FUT8: variants seen among roughly 807,000 people sequenced by gnomAD.
The protein encoded by FUT8 is alpha-(1,6)-fucosyltransferase.
FUT8 carries 29 observed loss-of-function variants against 71.3 expected under a neutral mutation model. That is an observed-to-expected ratio of 0.41 (90% confidence interval 0.30 to 0.55). The LOEUF (loss-of-function observed/expected upper bound fraction) is 0.55. FUT8 is among the 20% of genes least tolerant of loss of function. The pLI, the probability that FUT8 is intolerant of heterozygous loss-of-function variation, is 0.34. For missense variants in FUT8, 544 were observed against 702.1 expected (o/e 0.77, Z 2.55); for synonymous variants, 254 against 239.3 (o/e 1.06, Z -0.57).
the FUT8 span, among the ~76,000 whole-genome samples, chr14:65,400,939 C>T: frequency 4.6e-5 from 7 of 152,248 alleles, no homozygotes; most frequent in East Asian, 1.9e-4. Context: ...ATTATCATAC[C>T]GCTTTCACCT....
chr14:65,373,660 G>A, the FUT8 span, among the ~76,000 whole-genome samples: 3 of 152,148 alleles, frequency 2.0e-5, no homozygotes, highest in African/African-American at 7.2e-5. Flanking sequence ...CACCCCTGTT[G>A]CACGTACCAC....
At chr14:65,679,160 C>CAAGTGTAGGAGTT (rs1177371747) in intron 7 of FUT8, among the ~76,000 whole-genome samples, 6 of 152,184 alleles carry the variant, frequency 3.9e-5, no homozygotes, top group African/African-American at 1.4e-4. Flanking sequence ...TCACTGAAAT[C>CAAGTGTAGGAGTT]AAGTGTAGGA....
At chr14:65,667,139 G>A (rs1417955596) in intron 6 of FUT8, among the ~76,000 whole-genome samples, 1 of 152,014 alleles carries the variant, frequency 6.6e-6, no homozygotes, top group African/African-American at 2.4e-5. Context: ...CACCATTGCT[G>A]TTCAACATAG....
At chr14:65,364,813 C>T in the FUT8 span, among the ~76,000 whole-genome samples, 1 of 152,174 alleles carries the variant, frequency 6.6e-6, no homozygotes, top group Admixed American at 6.5e-5. Context: ...TCCTTGAAAT[C>T]TAGGCACATC....
rs78765096 is a variant in FUT8, at chr14:65,568,761, G to T, written c.203+6995G>T. Among the ~76,000 whole-genome samples the T allele has an allele frequency of 5.7e-3, 862 of 151,106 alleles. 30 individuals carry two copies. The East Asian group carries it at 0.093, about 16-fold the overall frequency. The stretch of plus-strand genomic sequence containing the variant: ...CTAGTATATATGTCATTTAAGTTAG[G>T]TTGGTTAATTAAGTTATTCAGATTT... On this transcript the variant is annotated intron_variant, in intron 3 of 10. Transcript: ENST00000673929.
chr14:65,681,204 T>C (rs1374745703), intron 7 of FUT8, among the ~76,000 whole-genome samples: 2 of 152,250 alleles, frequency 1.3e-5, no homozygotes, highest in Non-Finnish European at 2.9e-5. Context: ...TACTGGCCAA[T>C]ACTTGTTACT....
At chr14:65,656,569 A>G (rs996258359) in intron 6 of FUT8, among the ~76,000 whole-genome samples, 8 of 152,216 alleles carry the variant, frequency 5.3e-5, no homozygotes, top group South Asian at 2.1e-4. Context: ...AGAGTAATCT[A>G]TAGATTCAGT....
At chr14:65,645,384 A>T (rs2140307522) in intron 6 of FUT8, among the ~76,000 whole-genome samples, 1 of 152,348 alleles carries the variant, frequency 6.6e-6, no homozygotes. Flanking sequence ...TGATTGTATG[A>T]CAGTGATTTG....
At chr14:65,363,237 TCAGCC>T in the FUT8 span, among the ~76,000 whole-genome samples, 5 of 51,310 alleles carry the variant, frequency 9.7e-5, no homozygotes, top group South Asian at 2.4e-3. Context: ...TTCTCATGCC[TCAGCC>T]TCCTGAGTAG....
intron 7 of FUT8, among the ~76,000 whole-genome samples, chr14:65,670,399 T>TG (rs1892419205): frequency 1.3e-5 from 2 of 152,298 alleles, no homozygotes; most frequent in African/African-American, 4.8e-5. Flanking sequence ...TGTAATGCAC[T>TG]TAGTACTGAT....
intron 3 of FUT8, among the ~76,000 whole-genome samples, chr14:65,570,530 C>G (rs1039785995): frequency 6.6e-6 from 1 of 151,874 alleles, no homozygotes; most frequent in Non-Finnish European, 1.5e-5. Flanking sequence ...TATACTCTAC[C>G]TGTATTAAAA....
intron 1 of FUT8, 71 bp from the exon 2 acceptor site, chr14:65,455,549 TA>T (rs911178923): frequency 1.3e-5 from 5 of 397,040 alleles, no homozygotes; most frequent in African/African-American, 6.2e-5. Flanking sequence ...TAAAGGTATT[TA>T]AAAAATTATA....
At chr14:65,647,379 G>A (rs186500861) in intron 6 of FUT8, among the ~76,000 whole-genome samples, 1 of 152,230 alleles carries the variant, frequency 6.6e-6, no homozygotes, top group African/African-American at 2.4e-5. Flanking sequence ...TTATGATGCA[G>A]GTGTTGTAAT....
At chr14:65,606,188 T>C (rs1246400794) in intron 3 of FUT8, among the ~76,000 whole-genome samples, 5 of 151,100 alleles carry the variant, frequency 3.3e-5, no homozygotes, top group African/African-American at 1.2e-4. Context: ...TTCTCCTGCC[T>C]CAGCCTCCCG....
At chr14:65,401,356 C>A in the FUT8 span, among the ~76,000 whole-genome samples, 88 of 152,322 alleles carry the variant, frequency 5.8e-4, no homozygotes, top group African/African-American at 1.9e-3. Flanking sequence ...ATGTCCATAG[C>A]CCTTGCTGAA....
chr14:65,513,209 T>C (rs564059678), intron 2 of FUT8, among the ~76,000 whole-genome samples: 1 of 152,348 alleles, frequency 6.6e-6, no homozygotes, highest in Non-Finnish European at 1.5e-5. Context: ...TCACAGTGTT[T>C]TCCTAGTGGA....
intron 6 of FUT8, among the ~76,000 whole-genome samples, chr14:65,641,149 C>T (rs1054126036): frequency 1.3e-5 from 2 of 152,162 alleles, no homozygotes; most frequent in Non-Finnish European, 2.9e-5. Context: ...GAAGTGTGCT[C>T]ATGTCCGTTT....
At chr14:65,476,612 T>G (rs2066244904) in intron 2 of FUT8, among the ~76,000 whole-genome samples, 1 of 148,912 alleles carries the variant, frequency 6.7e-6, no homozygotes. Context: ...AATTCTTTGT[T>G]CAAGTGGTAG....
intron 7 of FUT8, among the ~76,000 whole-genome samples, chr14:65,679,513 T>G (rs1173399675): frequency 6.6e-6 from 1 of 152,232 alleles, no homozygotes; most frequent in African/African-American, 2.4e-5. Flanking sequence ...GTTTTATGTA[T>G]GCATTAATAA....
Sources: allele counts gnomAD v4.1 joint callset (sites outside exome capture counted in the v4.1 genomes callset), GRCh38; gene constraint gnomAD v4.1.1; transcripts MANE v1.5; gene names NCBI Gene and HGNC (gene_info 2026-07-23, HGNC 2026-07-21).